Variants in TMEM132D observed in about 807,000 individuals in gnomAD.
TMEM132D encodes transmembrane protein 132D, also known as mature OL transmembrane protein.
Under a neutral mutation model 62.3 loss-of-function variants are expected in TMEM132D, and 21 were observed. The ratio of observed to expected loss-of-function variants is 0.34; its 90% CI spans 0.24 to 0.49. The LOEUF (loss-of-function observed/expected upper bound fraction) is 0.49, where lower values mean the gene tolerates loss of function less well. Among genes scored for constraint, TMEM132D ranks in the 20% least tolerant of loss-of-function variants. TMEM132D has a pLI of 0.99. For synonymous variants in TMEM132D, 621 were observed against 575.6 expected (o/e 1.08, Z -1.13); for missense variants, 1,346 against 1,402.8 (o/e 0.96, Z 0.65).
intron 4 of TMEM132D, among the ~76,000 whole-genome samples, chr12:129,326,436 A>T (rs1868913224): frequency 6.6e-6 from 1 of 152,212 alleles, no homozygotes; most frequent in Non-Finnish European, 1.5e-5. Flanking sequence ...TGCTTTATGC[A>T]TTCATATACG....
At chr12:129,717,121 C>A (rs1353297944) in intron 1 of TMEM132D, among the ~76,000 whole-genome samples, 1 of 152,184 alleles carries the variant, frequency 6.6e-6, no homozygotes, top group Non-Finnish European at 1.5e-5. Context: ...TCCACCAGCA[C>A]AAAGCGCACT....
intron 3 of TMEM132D, among the ~76,000 whole-genome samples, chr12:129,480,230 G>C (rs938253259): frequency 6.6e-6 from 1 of 152,268 alleles, no homozygotes; most frequent in African/African-American, 2.4e-5. Flanking sequence ...TGGAGCTGCA[G>C]AGGGGTGCAG....
chr12:129,626,488 C>T (rs1032848887), intron 2 of TMEM132D, among the ~76,000 whole-genome samples: 11 of 151,574 alleles, frequency 7.3e-5, no homozygotes, highest in Admixed American at 6.6e-4. Context: ...GATGGAGTCT[C>T]GCTCTGTTGC....
chr12:129,612,175 C>A (rs758421880), intron 2 of TMEM132D, among the ~76,000 whole-genome samples: 1 of 152,104 alleles, frequency 6.6e-6, no homozygotes, highest in Non-Finnish European at 1.5e-5. Flanking sequence ...CAATGACGGG[C>A]CCTGTAAGTT....
intron 3 of TMEM132D, among the ~76,000 whole-genome samples, chr12:129,409,395 C>T (rs189398321): frequency 3.3e-4 from 51 of 152,300 alleles, no homozygotes; most frequent in Admixed American, 9.2e-4. Context: ...CACACACATG[C>T]ACGCACGCGC....
chr12:129,863,615 G>C (rs949510572), intron 1 of TMEM132D, among the ~76,000 whole-genome samples: 1 of 152,126 alleles, frequency 6.6e-6, no homozygotes, highest in Non-Finnish European at 1.5e-5. Flanking sequence ...TAAAGCTTGT[G>C]TCCTAAGGGC....
intron 3 of TMEM132D, among the ~76,000 whole-genome samples, chr12:129,434,713 T>C (rs537101558): frequency 6.6e-6 from 1 of 152,120 alleles, no homozygotes; most frequent in African/African-American, 2.4e-5. Flanking sequence ...GGGTACAATA[T>C]GCTGTTTGGA....
At chr12:129,102,596 GA>G (rs1875351863) in intron 5 of TMEM132D, among the ~76,000 whole-genome samples, 1 of 152,060 alleles carries the variant, frequency 6.6e-6, no homozygotes, top group Non-Finnish European at 1.5e-5. Flanking sequence ...GGAAAAACTG[GA>G]AACCTCAAAA....
Position 129,613,981 on chromosome 12 carries a change from G to A in TMEM132D, c.969-82776C>T, listed in dbSNP as rs571865454. Among the ~76,000 whole-genome samples, 7 of 148,632 alleles carry A rather than the reference G, an allele frequency of 4.7e-5. No homozygotes were observed. The South Asian group carries it at 6.5e-4, about 14-fold the overall frequency. On this transcript the variant is annotated intron_variant, in intron 2 of 8. Coordinates refer to ENST00000422113, the MANE Select transcript of TMEM132D (RefSeq NM_133448.3). ...ACGCAGGGGACTGACTCCAGAACCC[G>A]GGGGACTGGCTGTAGAACCCAGGCG...
intron 1 of TMEM132D, among the ~76,000 whole-genome samples, chr12:129,777,746 A>C (rs532840792): frequency 6.6e-6 from 1 of 152,342 alleles, no homozygotes; most frequent in South Asian, 2.1e-4. Context: ...AAACACAAGC[A>C]TTATCAATTA....
At chr12:129,898,961 C>A (rs1875240827) in intron 1 of TMEM132D, among the ~76,000 whole-genome samples, 1 of 152,230 alleles carries the variant, frequency 6.6e-6, no homozygotes, top group Non-Finnish European at 1.5e-5. Flanking sequence ...GTATGAGGCA[C>A]TTTGACATCT....
intron 1 of TMEM132D, among the ~76,000 whole-genome samples, chr12:129,901,229 T>C (rs1470312210): frequency 1.3e-5 from 2 of 152,214 alleles, no homozygotes; most frequent in African/African-American, 2.4e-5. Flanking sequence ...TAGTCCATAC[T>C]TGATTGCAAG....
At chr12:129,269,024 T>A (rs1268771835) in intron 4 of TMEM132D, among the ~76,000 whole-genome samples, 1 of 32,430 alleles carries the variant, frequency 3.1e-5, no homozygotes, top group African/African-American at 1.3e-4. Flanking sequence ...TGTTGTGGGG[T>A]GGGGGGAGGG....
Position 129,078,579 on chromosome 12 carries a change from G to A in TMEM132D, c.2070C>T (p.Ile690=). The A allele has an allele frequency of 1.2e-6, 2 of 1,614,164 alleles. No homozygotes were observed. The highest frequency in any genetic ancestry group is 1.1e-5 in the South Asian group (1 of 91,080). ...GTTCCTGAGCCACTGCAGTGGCAAAGATGGCCCTGTTGCTTCCTGGGCTGA... is the reference window on the plus strand; with the variant it reads ...GTTCCTGAGCCACTGCAGTGGCAAAAATGGCCCTGTTGCTTCCTGGGCTGA... ...LQLSPGSNRA[I]FATAVAQELL... Residue 690 remains isoleucine (I), a synonymous_variant, in exon 8 of 9, where the codon ATC becomes ATT. Coordinates refer to ENST00000422113, the MANE Select transcript of TMEM132D (RefSeq NM_133448.3).
At chr12:129,242,698 T>C (rs576731817) in intron 4 of TMEM132D, among the ~76,000 whole-genome samples, 2 of 152,300 alleles carry the variant, frequency 1.3e-5, no homozygotes, top group East Asian at 3.9e-4. Context: ...TTGTTTTTCT[T>C]TGGATGAAAT....
At chr12:129,150,275 C>T (rs1877033507) in intron 5 of TMEM132D, among the ~76,000 whole-genome samples, 1 of 152,188 alleles carries the variant, frequency 6.6e-6, no homozygotes. Flanking sequence ...CTCCAGCTTC[C>T]CAGGACCCCG....
chr12:129,617,568 CT>C (rs5801865), intron 2 of TMEM132D, among the ~76,000 whole-genome samples: 33,513 of 152,004 alleles, frequency 0.22, 4,121 homozygotes, highest in East Asian at 0.36. Flanking sequence ...CTTGAGGCTT[CT>C]TTTTCATTGA....
chr12:129,679,199 T>C (rs1880718916), intron 2 of TMEM132D, among the ~76,000 whole-genome samples: 1 of 152,002 alleles, frequency 6.6e-6, no homozygotes, highest in African/African-American at 2.4e-5. Flanking sequence ...ACTGACACTT[T>C]TGTGTCATTA....
chr12:129,393,669 A>G (rs1046096840), intron 3 of TMEM132D, among the ~76,000 whole-genome samples: 3 of 152,288 alleles, frequency 2.0e-5, no homozygotes, highest in South Asian at 4.1e-4. Context: ...ACTCGTCCTG[A>G]AAAGTCCTGA....
Sources: allele counts gnomAD v4.1 joint callset (sites outside exome capture counted in the v4.1 genomes callset), GRCh38; gene constraint gnomAD v4.1.1; transcripts MANE v1.5; gene names NCBI Gene and HGNC (gene_info 2026-07-23, HGNC 2026-07-21).